Variants in WDFY4 observed in about 807,000 individuals in gnomAD.
WDFY4 encodes WDFY family member 4.
Under a neutral mutation model 351.9 loss-of-function variants are expected in WDFY4, and 169 were observed. The observed-to-expected ratio is 0.48, with a 90% CI of 0.42 to 0.55. WDFY4 has a LOEUF of 0.55. WDFY4 is among the 20% of genes least tolerant of loss of function. WDFY4 has a pLI of 0.00. For synonymous variants in WDFY4, 1,622 were observed against 1,574.6 expected, an observed-to-expected ratio of 1.03 and a Z score of -0.71; for missense variants, 3,803 against 3,935.6, an observed-to-expected ratio of 0.97 and a Z score of 0.90.
At chr10:48,837,752 C>T (rs2068452770) in intron 39 of WDFY4, among the ~76,000 whole-genome samples, 1 of 152,096 alleles carries the variant, frequency 6.6e-6, no homozygotes, top group South Asian at 2.1e-4. Context: ...GACTTCCAGC[C>T]CTTAAAGGGG....
intron 39 of WDFY4, among the ~76,000 whole-genome samples, chr10:48,854,576 T>G (rs746565657): frequency 6.6e-6 from 1 of 152,192 alleles, no homozygotes; most frequent in Non-Finnish European, 1.5e-5. Context: ...GTAACCTCAT[T>G]TTATAGATGA....
intron 39 of WDFY4, among the ~76,000 whole-genome samples, chr10:48,849,418 A>G (rs1049480373): frequency 1.3e-5 from 2 of 152,236 alleles, no homozygotes; most frequent in Non-Finnish European, 2.9e-5. Flanking sequence ...GTTAAGTACC[A>G]GATGAAGTGA....
intron 36 of WDFY4, among the ~76,000 whole-genome samples, chr10:48,827,776 T>A (rs1438714525): frequency 1.3e-5 from 2 of 151,934 alleles, no homozygotes; most frequent in Non-Finnish European, 2.9e-5. Flanking sequence ...ACACTAGCAT[T>A]GACTTCTCAT....
chr10:48,800,176 G>T (rs539231586), intron 24 of WDFY4, among the ~76,000 whole-genome samples: 2 of 152,174 alleles, frequency 1.3e-5, no homozygotes, highest in Admixed American at 6.5e-5. Flanking sequence ...GAGCCACCGC[G>T]CCCAGCCGGT....
At chr10:48,849,317 A>G (rs952881447) in intron 39 of WDFY4, among the ~76,000 whole-genome samples, 1 of 152,210 alleles carries the variant, frequency 6.6e-6, no homozygotes, top group Non-Finnish European at 1.5e-5. Context: ...CATAGAATAC[A>G]TGACCATCTC....
At chr10:48,853,036 A>T (rs756713384) in intron 39 of WDFY4, among the ~76,000 whole-genome samples, 2 of 150,672 alleles carry the variant, frequency 1.3e-5, no homozygotes, top group South Asian at 2.1e-4. Flanking sequence ...ATATTTTCAG[A>T]CCTCATCTCA....
At chr10:48,960,926 AG>A (rs1841830161) in intron 53 of WDFY4, among the ~76,000 whole-genome samples, 1 of 152,212 alleles carries the variant, frequency 6.6e-6, no homozygotes, top group Non-Finnish European at 1.5e-5. Context: ...GATCTGAAGT[AG>A]GAGAGTGACC....
intron 19 of WDFY4, among the ~76,000 whole-genome samples, chr10:48,780,650 C>T (rs542599252): frequency 1.3e-5 from 2 of 152,288 alleles, no homozygotes; most frequent in South Asian, 4.1e-4. Flanking sequence ...CATCTCATGG[C>T]TGTCATTTAG....
intron 47 of WDFY4, among the ~76,000 whole-genome samples, chr10:48,905,703 G>A (rs1048267928): frequency 2.0e-5 from 3 of 152,186 alleles, no homozygotes; most frequent in Non-Finnish European, 4.4e-5. Context: ...CGGACACCCC[G>A]CAGAGTGCTG....
At chr10:48,871,535 T>C (rs1188712769) in intron 40 of WDFY4, among the ~76,000 whole-genome samples, 7 of 149,930 alleles carry the variant, frequency 4.7e-5, no homozygotes. Context: ...AGTACAGTCA[T>C]GTAAATCATA....
At chr10:48,847,342 A>C (rs2068810112) in intron 39 of WDFY4, among the ~76,000 whole-genome samples, 2 of 152,162 alleles carry the variant, frequency 1.3e-5, no homozygotes, top group Non-Finnish European at 2.9e-5. Flanking sequence ...ATATTGTCAC[A>C]TTCTGAGGTA....
At position 48,813,982 on chromosome 10, in the gene WDFY4, G is replaced by A; in HGVS notation, c.5240G>A (p.Trp1747Ter). 1 of 1,549,258 alleles carries A rather than the reference G, an allele frequency of 6.5e-7. No individual in the cohort carries two copies. The highest frequency in any genetic ancestry group is 8.7e-7 in the Non-Finnish European group (1 of 1,145,560). Residue 1747 changes from tryptophan to a stop codon, truncating the protein, a stop_gained, in exon 31 of 62, where the codon TGG becomes TAG. Coordinates refer to ENST00000325239, the MANE Select transcript of WDFY4 (RefSeq NM_001394531.1). LOFTEE classifies it high-confidence loss of function. The stretch of plus-strand genomic sequence containing the variant: ...GACAGCCTTGATGCCATGCTTCAGT[G>A]GCTCCTGCAGAGGCACCACCAGGAA... ...PKDSLDAMLQ[W>*]LLQRHHQEEV...
intron 51 of WDFY4, among the ~76,000 whole-genome samples, chr10:48,951,655 G>A (rs77620283): frequency 0.01 from 1,597 of 152,296 alleles, 27 homozygotes; most frequent in African/African-American, 0.036. Flanking sequence ...TTGTAAAGAC[G>A]GGGTCTTATT....
intron 30 of WDFY4, among the ~76,000 whole-genome samples, chr10:48,812,841 A>G (rs1297786127): frequency 6.6e-6 from 1 of 152,054 alleles, no homozygotes; most frequent in Non-Finnish European, 1.5e-5. Flanking sequence ...TGAGTCTCCT[A>G]AATCATCTTC....
intron 39 of WDFY4, among the ~76,000 whole-genome samples, chr10:48,853,503 A>G (rs1319886204): frequency 1.3e-5 from 2 of 152,198 alleles, no homozygotes; most frequent in African/African-American, 2.4e-5. Context: ...GGATTCTTCC[A>G]CAATACTGAG....
chr10:48,818,842 G>A (rs564522878), intron 32 of WDFY4, among the ~76,000 whole-genome samples: 65 of 152,344 alleles, frequency 4.3e-4, no homozygotes, highest in African/African-American at 1.5e-3. Flanking sequence ...GGAATGCAGC[G>A]TTGTTTGCAG....
chr10:48,805,656 A>T (rs972440406), intron 26 of WDFY4, among the ~76,000 whole-genome samples: 3 of 152,102 alleles, frequency 2.0e-5, no homozygotes, highest in Admixed American at 2.0e-4. Context: ...AGGCTCCCCC[A>T]CTGTGGCCAA....
At chr10:48,733,076 C>T (rs1334052053) in intron 9 of WDFY4, among the ~76,000 whole-genome samples, 2 of 152,208 alleles carry the variant, frequency 1.3e-5, no homozygotes, top group Admixed American at 6.5e-5. Context: ...AGTCTTTGCA[C>T]CGTCTCTTTG....
chr10:48,822,039 C>A (rs955330969), intron 34 of WDFY4, among the ~76,000 whole-genome samples: 11 of 152,110 alleles, frequency 7.2e-5, no homozygotes, highest in Non-Finnish European at 1.3e-4. Flanking sequence ...TTATCCTCTG[C>A]CTAGTGTAGC....
Sources: allele counts gnomAD v4.1 joint callset (sites outside exome capture counted in the v4.1 genomes callset), GRCh38; gene constraint gnomAD v4.1.1; transcripts MANE v1.5; gene names NCBI Gene and HGNC (gene_info 2026-07-23, HGNC 2026-07-21).